Variants in KCNE1 observed in about 807,000 individuals in gnomAD.
KCNE1 encodes potassium voltage-gated channel subfamily E regulatory subunit 1.
KCNE1 carries 1 observed loss-of-function variant against 2.9 expected under a neutral mutation model. That is an observed-to-expected ratio of 0.34 (90% CI 0.12 to 1.62). The LOEUF (loss-of-function observed/expected upper bound fraction) is 1.62. Among genes scored for constraint, KCNE1 ranks in the 40% most tolerant of loss-of-function variants. KCNE1 has a pLI of 0.36. For missense variants in KCNE1, 45 were observed against 150.5 expected (o/e 0.30, Z 3.67); for synonymous variants, 23 against 65.4 (o/e 0.35, Z 3.13).
Position 34,452,738 on chromosome 21 carries a change from G to T in KCNE1, c.-50-3054C>A, listed in dbSNP as rs1341928599. ...AGTTTCCTTAGAATTGTTCAGTCAAGTTTTTTTTTTTTTTCTTTCCAAAGT... is the reference window on the plus strand; with the variant it reads ...AGTTTCCTTAGAATTGTTCAGTCAATTTTTTTTTTTTTTTCTTTCCAAAGT... On this transcript the variant is annotated intron_variant, in intron 3 of 3. Coordinates refer to ENST00000399286, the MANE Select transcript of KCNE1 (RefSeq NM_000219.6). Among the ~76,000 whole-genome samples, 3 of 40,930 alleles carry T rather than the reference G, an allele frequency of 7.3e-5. 1 individual carries two copies. The highest frequency in any genetic ancestry group is 1.3e-4 in the African/African-American group (1 of 7,428). 26.9% of individuals were successfully genotyped at this position (40,930 alleles called of 152,430 possible).
At chr21:34,496,275 G>T (rs55700417) in intron 2 of KCNE1, among the ~76,000 whole-genome samples, 1 of 151,938 alleles carries the variant, frequency 6.6e-6, no homozygotes, top group Non-Finnish European at 1.5e-5. Flanking sequence ...GGGTTTCACC[G>T]TGTTAGCCAG....
chr21:34,498,283 T>C (rs1396625658), intron 2 of KCNE1, among the ~76,000 whole-genome samples: 1 of 152,244 alleles, frequency 6.6e-6, no homozygotes, highest in Non-Finnish European at 1.5e-5. Context: ...CCAGAATTAA[T>C]TTTCAGATTC....
At position 34,449,398 on chromosome 21, in the gene KCNE1, G is replaced by A. The variant is rs746345034; in HGVS notation, c.237C>T (p.Asn79=). ...KKLEHSNDPF[N]VYIESDAWQE... ...GCCAGGCATCGGACTCGATGTAGAC[G>A]TTGAATGGGTCGTTCGAGTGCTCCA... is the stretch of plus-strand genomic sequence containing the variant. Residue 79 remains asparagine (N), a synonymous_variant, in exon 4 of 4, where the codon AAC becomes AAT. Coordinates refer to ENST00000399286, the MANE Select transcript of KCNE1 (RefSeq NM_000219.6). 52 of 1,602,652 alleles carry A rather than the reference G, an allele frequency of 3.2e-5. No homozygotes were observed. Among genetic ancestry groups the A allele is most frequent in the East Asian group, 1.4e-4 (6 of 44,404 alleles).
intron 2 of KCNE1, among the ~76,000 whole-genome samples, chr21:34,499,594 A>G (rs141084201): frequency 3.9e-5 from 6 of 152,362 alleles, no homozygotes; most frequent in African/African-American, 1.4e-4. Flanking sequence ...GGGAATGTCT[A>G]CAAGGCTCTT....
chr21:34,504,761 C>G (rs1983381699), intron 2 of KCNE1, among the ~76,000 whole-genome samples: 1 of 152,128 alleles, frequency 6.6e-6, no homozygotes, highest in African/African-American at 2.4e-5. Flanking sequence ...ATGGATGAAC[C>G]TCAAGTATGT....
At chr21:34,509,458 C>CT (rs1202873355) in intron 2 of KCNE1, 34 of 149,756 alleles carry the variant, frequency 2.3e-4, no homozygotes, top group South Asian at 4.2e-4. Flanking sequence ...TTTTTTTTAA[C>CT]TTTTTTTTTG....
chr21:34,505,040 C>T (rs1240470975), intron 2 of KCNE1, among the ~76,000 whole-genome samples: 1 of 152,210 alleles, frequency 6.6e-6, no homozygotes, highest in South Asian at 2.1e-4. Flanking sequence ...TGATCATACA[C>T]ATTAAATGGG....
At chr21:34,503,832 G>A (rs2834499) in intron 2 of KCNE1, among the ~76,000 whole-genome samples, 1 of 152,238 alleles carries the variant, frequency 6.6e-6, no homozygotes, top group South Asian at 2.1e-4. Flanking sequence ...TGAAAGGTAG[G>A]CTGTTTGGGG....
At chr21:34,495,510 C>CT (rs200276112) in intron 2 of KCNE1, among the ~76,000 whole-genome samples, 10 of 71,340 alleles carry the variant, frequency 1.4e-4, no homozygotes, top group Middle Eastern at 4.5e-3. Context: ...TGGTCCTGGA[C>CT]TTTTTTTTTT....
At chr21:34,495,893 T>G (rs1008234966) in intron 2 of KCNE1, among the ~76,000 whole-genome samples, 3 of 152,176 alleles carry the variant, frequency 2.0e-5, no homozygotes, top group African/African-American at 7.2e-5. Flanking sequence ...TCTGCTATGA[T>G]CTTTGTTATT....
At chr21:34,451,999 C>T (rs1338602993) in intron 3 of KCNE1, among the ~76,000 whole-genome samples, 1 of 58,010 alleles carries the variant, frequency 1.7e-5, no homozygotes, top group Admixed American at 2.1e-4. Context: ...GCAATCTCAT[C>T]ATGGCAGTTC....
rs1406400399 is a variant in KCNE1, at chr21:34,448,818, ACCT to A, written c.*424_*426del. On this transcript the variant is annotated 3_prime_UTR_variant, in exon 4 of 4. Coordinates refer to ENST00000399286, the MANE Select transcript of KCNE1 (RefSeq NM_000219.6). ...TTTCCCAGTCTCATAACTGCTCTCC[ACCT>A]CCTCCACATCCAGCCACTGGGAAGC... 5 of 111,374 alleles carry A rather than the reference ACCT, an allele frequency of 4.5e-5. 2 individuals are homozygous for A. The highest frequency in any genetic ancestry group is 1.7e-4 in the African/African-American group (5 of 30,188). The allele number at this position is 111,374 out of a possible 1,614,324, so 6.9% of individuals were successfully genotyped here. A position where few individuals can be genotyped will look rare whatever the true frequency, so the allele number is the denominator to read the frequency against.
At chr21:34,495,847 C>A (rs988651460) in intron 2 of KCNE1, among the ~76,000 whole-genome samples, 2 of 152,044 alleles carry the variant, frequency 1.3e-5, no homozygotes, top group Non-Finnish European at 2.9e-5. Context: ...TTTCACTTAT[C>A]TTTTTGTTAA....
Position 34,449,740 on chromosome 21 carries a change from C to T in KCNE1, c.-50-56G>A, listed in dbSNP as rs146912513. 3.9e-4 allele frequency: 196 copies of T among 497,954 alleles called. 3 individuals are homozygous for T. The highest frequency in any genetic ancestry group is 1.1e-3 in the African/African-American group (36 of 32,180). 30.8% of individuals were successfully genotyped at this position (497,954 alleles called of 1,614,324 possible). A position where few individuals can be genotyped will look rare whatever the true frequency, so the allele number is the denominator to read the frequency against. Reference sequence around the variant, plus strand: ...AAGTACGTATTGGCCAAAACCCACACGTACGCACACACACGTATACAATTT... The same window carrying T: ...AAGTACGTATTGGCCAAAACCCACATGTACGCACACACACGTATACAATTT... On this transcript the variant is annotated intron_variant, in intron 3 of 3. Transcript: ENST00000399286.
intron 2 of KCNE1, among the ~76,000 whole-genome samples, chr21:34,507,244 C>T (rs886281278): frequency 1.3e-5 from 2 of 151,980 alleles, no homozygotes; most frequent in African/African-American, 4.8e-5. Flanking sequence ...GAGAGTATTT[C>T]CTAAAGATAG....
Position 34,502,432 on chromosome 21 carries a change from G to A in KCNE1, c.-162+8669C>T, listed in dbSNP as rs1406350188. 2.0e-5 allele frequency among the ~76,000 whole-genome samples: 3 copies of A among 152,204 alleles called. No individual in the cohort carries two copies. The East Asian group carries it at 5.8e-4, about 29-fold the overall frequency. ...TTTGCCAAATTCACCCAGCTTTTTA[G>A]TTTCTCACCTTCTGACACCAATCAG... On this transcript the variant is annotated intron_variant, in intron 2 of 3. Transcript: ENST00000399286.
intron 2 of KCNE1, among the ~76,000 whole-genome samples, chr21:34,498,723 C>T (rs1341740036): frequency 6.6e-6 from 1 of 152,224 alleles, no homozygotes; most frequent in Non-Finnish European, 1.5e-5. Context: ...TTCAAGACCT[C>T]TGGTTAGCCA....
At chr21:34,506,224 G>A (rs1051845385) in intron 2 of KCNE1, among the ~76,000 whole-genome samples, 1 of 152,116 alleles carries the variant, frequency 6.6e-6, no homozygotes, top group Non-Finnish European at 1.5e-5. Flanking sequence ...CAGATCCCAC[G>A]GGGACAAGCT....
intron 2 of KCNE1, among the ~76,000 whole-genome samples, chr21:34,499,615 C>T (rs1396169182): frequency 6.6e-6 from 1 of 152,182 alleles, no homozygotes; most frequent in African/African-American, 2.4e-5. Context: ...CCCACTGCTG[C>T]TTCTACTTTT....
Sources: allele counts gnomAD v4.1 joint callset (sites outside exome capture counted in the v4.1 genomes callset), GRCh38; gene constraint gnomAD v4.1.1; transcripts MANE v1.5; gene names NCBI Gene and HGNC (gene_info 2026-07-23, HGNC 2026-07-21).